TM9SF4: variants seen among roughly 807,000 people sequenced by gnomAD.
The protein encoded by TM9SF4 is transmembrane 9 superfamily member 4.
Under a neutral mutation model 90.4 loss-of-function variants are expected in TM9SF4, and 26 were observed. The observed-to-expected ratio is 0.29, with a 90% CI of 0.21 to 0.40. TM9SF4 has a LOEUF of 0.40. Ranked by LOEUF, TM9SF4 falls within the 10% of genes least tolerant of loss-of-function variation. The pLI, the probability that TM9SF4 is intolerant of heterozygous loss-of-function variation, is 1.00. For synonymous variants in TM9SF4, 293 were observed against 315.4 expected (o/e 0.93, Z 0.75); for missense variants, 549 against 834.8 (o/e 0.66, Z 4.22).
intron 13 of TM9SF4, among the ~76,000 whole-genome samples, chr20:32,156,918 A>T (rs866586923): frequency 0.01 from 770 of 75,858 alleles, 3 homozygotes; most frequent in Middle Eastern, 0.031. Context: ...ATTTTATTGT[A>T]TTTTTTTTTT....
intron 6 of TM9SF4, among the ~76,000 whole-genome samples, chr20:32,144,092 C>G (rs1160183086): frequency 1.3e-5 from 2 of 152,150 alleles, no homozygotes; most frequent in Non-Finnish European, 2.9e-5. Flanking sequence ...ATTATAGGCG[C>G]CCACTACCGC....
chr20:32,109,779 CG>C (rs1450133019), intron 1 of TM9SF4, 24 bp downstream of exon 1: 5 of 1,551,230 alleles, frequency 3.2e-6, no homozygotes, highest in Non-Finnish European at 4.4e-6. Context: ...ACTCCGGGAG[CG>C]GGAGCTGGAG....
At chr20:32,143,388 C>T (rs538835975) in intron 6 of TM9SF4, among the ~76,000 whole-genome samples, 1 of 152,206 alleles carries the variant, frequency 6.6e-6, no homozygotes, top group Non-Finnish European at 1.5e-5. Context: ...TCAAAAGGAG[C>T]TAGTGACTTG....
chr20:32,157,370 T>C (rs1210571847), intron 13 of TM9SF4, among the ~76,000 whole-genome samples: 1 of 152,272 alleles, frequency 6.6e-6, no homozygotes, highest in Non-Finnish European at 1.5e-5. Context: ...ACATAGTTTA[T>C]AGCCTCCTTT....
intron 12 of TM9SF4, among the ~76,000 whole-genome samples, 194 bp from the exon 13 acceptor site, chr20:32,154,909 A>G (rs1344674144): frequency 6.6e-6 from 1 of 152,210 alleles, no homozygotes; most frequent in Non-Finnish European, 1.5e-5. Flanking sequence ...AAGGGGCAGT[A>G]TTAGGGACCT....
chr20:32,161,621 TATAGCC>T (rs2047020529), intron 17 of TM9SF4, among the ~76,000 whole-genome samples: 1 of 152,128 alleles, frequency 6.6e-6, no homozygotes, highest in South Asian at 2.1e-4. Flanking sequence ...ACTTACGAGG[TATAGCC>T]ATAGCCAAAG....
At chr20:32,115,858 G>C (rs192859746) in intron 1 of TM9SF4, among the ~76,000 whole-genome samples, 126 of 120,104 alleles carry the variant, frequency 1.0e-3, no homozygotes, top group Admixed American at 2.3e-3. Context: ...CTGTCGCCCA[G>C]GGTGGAGTGC....
intron 1 of TM9SF4, among the ~76,000 whole-genome samples, chr20:32,113,821 TCCCTC>T (rs1366896167): frequency 2.0e-5 from 3 of 152,168 alleles, no homozygotes; most frequent in Admixed American, 6.5e-5. Context: ...TCCCTACTCT[TCCCTC>T]CCCACAGCCC....
chr20:32,157,774 T>C lies in TM9SF4; in HGVS notation c.1330-20T>C. The C allele has an allele frequency of 6.2e-7, 1 of 1,613,020 alleles. No homozygotes were observed. Among genetic ancestry groups the C allele is most frequent in the Non-Finnish European group, 8.5e-7 (1 of 1,179,258 alleles). ...CGGGCATCAGGGCCTCGTGGGGGCC[T>C]CATGGTGCCATGTCTACAGGTGCCC... On this transcript the variant is annotated intron_variant, in intron 13 of 17. Coordinates refer to ENST00000398022, the MANE Select transcript of TM9SF4 (RefSeq NM_014742.4).
intron 2 of TM9SF4, among the ~76,000 whole-genome samples, chr20:32,135,766 T>C (rs964558525): frequency 6.6e-6 from 1 of 152,236 alleles, no homozygotes; most frequent in Non-Finnish European, 1.5e-5. Context: ...ATGCTTTTTT[T>C]CCTTATTTGG....
intron 1 of TM9SF4, among the ~76,000 whole-genome samples, chr20:32,111,917 T>C (rs922641027): frequency 5.3e-5 from 8 of 152,204 alleles, no homozygotes; most frequent in Admixed American, 3.3e-4. Flanking sequence ...AGCAACTGTT[T>C]TGAGAAGCAT....
chr20:32,123,881 GAGAT>G (rs112087853), intron 1 of TM9SF4, among the ~76,000 whole-genome samples: 45,320 of 111,424 alleles, frequency 0.41, 9,640 homozygotes, highest in East Asian at 0.77. Context: ...TTTTTTTAAA[GAGAT>G]AGGGTCTCCC....
intron 1 of TM9SF4, 43 bp downstream of exon 1, chr20:32,109,798 C>T (rs2046112783): frequency 1.3e-6 from 2 of 1,551,308 alleles, no homozygotes; most frequent in African/African-American, 1.4e-5. Flanking sequence ...GAGCGGGGCC[C>T]TCCGGGGTAT....
chr20:32,133,778 TAGTG>T lies in TM9SF4; in HGVS notation c.129+655_129+658del, dbSNP rs368516284. ...GAAAATTAACATGTTCAAGGTCACA[TAGTG>T]AGGAAGACATAGGGTTAGTTCAAAC... is the stretch of plus-strand genomic sequence containing the variant. On this transcript the variant is annotated intron_variant, in intron 2 of 17. Coordinates refer to ENST00000398022, the MANE Select transcript of TM9SF4 (RefSeq NM_014742.4). 6.3e-3 allele frequency among the ~76,000 whole-genome samples: 954 copies of T among 152,204 alleles called. 11 individuals carry two copies. The highest frequency in any genetic ancestry group is 0.022 in the African/African-American group (903 of 41,532).
intron 2 of TM9SF4, among the ~76,000 whole-genome samples, chr20:32,135,137 G>C (rs1310094048): frequency 6.6e-6 from 1 of 152,196 alleles, no homozygotes; most frequent in Middle Eastern, 3.4e-3. Flanking sequence ...GTTCTATTTT[G>C]TCTGTGGTTT....
chr20:32,132,030 A>G (rs2046523306), intron 1 of TM9SF4, among the ~76,000 whole-genome samples: 1 of 152,172 alleles, frequency 6.6e-6, no homozygotes, highest in Non-Finnish European at 1.5e-5. Flanking sequence ...GGGTAATGGG[A>G]GCCCTGAGGT....
rs764657883 is a variant in TM9SF4, at chr20:32,141,848, G to T, written c.481G>T (p.Val161Leu). The change falls in exon 5 of 18, where the codon GTG becomes TTG. Residue 161 changes from valine to leucine, a missense_variant. Physicochemically the swap from Val to Leu is conservative, Grantham distance 32. Transcript: ENST00000398022. ...CGATGACAAGAAGAAGGAAAAAGAT[G>T]TGCAGTTTGAACACGGCTACCGGCT... ...DSDDKKKEKD[V>L]QFEHGYRLGF... 2 of 1,614,026 alleles carry T rather than the reference G, an allele frequency of 1.2e-6. No homozygotes were observed. The highest frequency in any genetic ancestry group is 1.1e-5 in the South Asian group (1 of 91,076).
In TM9SF4 at chr20:32,149,855, GA is replaced by G. The variant is rs548584321; in HGVS notation, c.1087+92del. On this transcript the variant is annotated intron_variant, in intron 10 of 17. Coordinates refer to ENST00000398022, the MANE Select transcript of TM9SF4 (RefSeq NM_014742.4). ...AGAAGGGTGGGCTTCCCTCCCTGGAGAAAGGGAACCAAGCTCCTGGCACCAA... is the reference window on the plus strand; with the variant it reads ...AGAAGGGTGGGCTTCCCTCCCTGGAGAAGGGAACCAAGCTCCTGGCACCAA... 2.3e-4 allele frequency: 356 copies of G among 1,553,074 alleles called. 1 individual carries two copies. In the Middle Eastern group the frequency reaches 2.7e-3, roughly 12 times the overall value.
chr20:32,123,866 A>ATATATATT, intron 1 of TM9SF4, among the ~76,000 whole-genome samples: 7 of 93,966 alleles, frequency 7.4e-5, no homozygotes, highest in South Asian at 3.4e-4. Context: ...ATATATATAT[A>ATATATATT]TTTTTTTTTT....
Sources: gnomAD v4.1 joint callset for allele counts (sites outside exome capture counted in the v4.1 genomes callset) on GRCh38, gnomAD v4.1.1 for gene constraint, MANE v1.5 for transcripts, NCBI Gene and HGNC (gene_info 2026-07-23, HGNC 2026-07-21) for gene names.